PSME4: variants seen among roughly 807,000 people sequenced by gnomAD.
The protein encoded by PSME4 is proteasome activator subunit 4.
A neutral mutation model predicts 253.9 loss-of-function variants in PSME4; 89 were observed. That is an observed-to-expected ratio of 0.35 (90% CI 0.30 to 0.42). The LOEUF is 0.42. PSME4 is among the 10% of genes least tolerant of loss of function. The pLI is 1.00. For missense variants in PSME4, 2,014 were observed against 2,195.2 expected, an observed-to-expected ratio of 0.92 and a Z score of 1.65; for synonymous variants, 851 against 759.2, an observed-to-expected ratio of 1.12 and a Z score of -1.99.
intron 32 of PSME4, among the ~76,000 whole-genome samples, chr2:53,896,225 C>T (rs189612934): frequency 5.9e-5 from 9 of 152,234 alleles, no homozygotes; most frequent in Non-Finnish European, 8.8e-5. Context: ...TTCATTAATA[C>T]AGTAAAATTA....
Position 53,866,090 on chromosome 2 carries a change from TA to T in PSME4, c.5530del (p.Ter1844ArgfsTer30). On this transcript the variant is annotated frameshift_variant and stop_lost, in exon 46 of 47. Transcript: ENST00000404125. LOFTEE classifies it high-confidence loss of function. ...TCAGAACTTTGCTGACTTACCTTTCTATGCATAATAGCATGGTGACACAAGA... is the reference window on the plus strand; with the variant it reads ...TCAGAACTTTGCTGACTTACCTTTCTTGCATAATAGCATGGTGACACAAGA... ...DLLVSPCYYA[*>X] The T allele has an allele frequency of 6.2e-7, 1 of 1,609,380 alleles. No homozygotes were observed. The highest frequency in any genetic ancestry group is 8.5e-7 in the Non-Finnish European group (1 of 1,177,240).
At chr2:53,914,507 A>G (rs1667967908) in intron 20 of PSME4, among the ~76,000 whole-genome samples, 1 of 152,244 alleles carries the variant, frequency 6.6e-6, no homozygotes, top group Non-Finnish European at 1.5e-5. Flanking sequence ...ATAGTACGAA[A>G]TAAGAAAAAA....
Position 53,966,665 on chromosome 2 carries a change from G to C in PSME4, c.242+3878C>G, listed in dbSNP as rs1383202323. Among the ~76,000 whole-genome samples the C allele has an allele frequency of 2.0e-5, 3 of 152,192 alleles. No homozygotes were observed. The East Asian group carries it at 5.8e-4, about 29-fold the overall frequency. On this transcript the variant is annotated intron_variant, in intron 1 of 46. Coordinates refer to ENST00000404125, the MANE Select transcript of PSME4 (RefSeq NM_014614.3). ...GAGCACCCGCAGCCCCTCATGAAAG[G>C]TCCAGAAAGGCAAGAGGGCAAAATC... is the stretch of plus-strand genomic sequence containing the variant.
intron 20 of PSME4, among the ~76,000 whole-genome samples, chr2:53,912,302 C>T (rs193041331): frequency 7.9e-5 from 12 of 152,272 alleles, no homozygotes; most frequent in African/African-American, 2.6e-4. Flanking sequence ...AATCCCCTAA[C>T]TTCACCAAGG....
chr2:53,966,195 G>A (rs1670728830), intron 1 of PSME4, among the ~76,000 whole-genome samples: 1 of 152,018 alleles, frequency 6.6e-6, no homozygotes, highest in Admixed American at 6.6e-5. Context: ...GAGACATGAG[G>A]GTTGCTTGAA....
At position 53,895,678 on chromosome 2, in the gene PSME4, C is replaced by T. The variant is rs144782453; in HGVS notation, c.3747G>A (p.Leu1249=). 1.5e-5 allele frequency: 24 copies of T among 1,613,260 alleles called. No homozygotes were observed. The highest frequency in any genetic ancestry group is 1.9e-5 in the Non-Finnish European group (22 of 1,179,702). ...IAGDRPDNHW[L]HYDSKTIPRT... ...TTGGTATAGTTTTGCTGTCATAATG[C>T]AACCAATGATTATCAGGCCTATCAC... Residue 1249 remains leucine, a synonymous_variant, in exon 33 of 47, where the codon TTG becomes TTA. Coordinates refer to ENST00000404125, the MANE Select transcript of PSME4 (RefSeq NM_014614.3).
At chr2:53,956,045 G>A (rs1670223723) in intron 1 of PSME4, among the ~76,000 whole-genome samples, 1 of 151,956 alleles carries the variant, frequency 6.6e-6, no homozygotes, top group Non-Finnish European at 1.5e-5. Flanking sequence ...CAGGCAGATG[G>A]TTTAAGCCCA....
intron 26 of PSME4, among the ~76,000 whole-genome samples, chr2:53,905,124 G>A (rs1266406327): frequency 6.6e-6 from 1 of 151,038 alleles, no homozygotes; most frequent in African/African-American, 2.4e-5. Context: ...CCGCCTCCCA[G>A]GGTTCAAGCA....
At chr2:53,921,534 C>T (rs1310861588) in intron 17 of PSME4, among the ~76,000 whole-genome samples, 1 of 148,606 alleles carries the variant, frequency 6.7e-6, no homozygotes, top group Non-Finnish European at 1.5e-5. Context: ...TGTGAGCCAC[C>T]ACGCCTGGCC....
At chr2:53,888,883 T>C (rs1364734521) in intron 37 of PSME4, 71 bp from the exon 38 acceptor site, 3 of 1,223,684 alleles carry the variant, frequency 2.5e-6, no homozygotes, top group Non-Finnish European at 3.6e-6. Flanking sequence ...TACTCAGTTA[T>C]TTAATTTAAT....
At chr2:53,887,541 C>A in intron 39 of PSME4, 74 bp from the exon 40 acceptor site, 1 of 1,329,218 alleles carries the variant, frequency 7.5e-7, no homozygotes, top group Non-Finnish European at 1.0e-6. Flanking sequence ...AAGTTATGAC[C>A]CAATCAAAGT....
In PSME4 at chr2:53,954,185, G is replaced by A. The variant is rs577783938; in HGVS notation, c.243-4902C>T. Among the ~76,000 whole-genome samples, 43 of 152,252 alleles carry A rather than the reference G, an allele frequency of 2.8e-4. No homozygotes were observed. In the East Asian group the frequency reaches 6.0e-3, roughly 21 times the overall value. ...TCTACTAAAAATACAAAAATTAGCC[G>A]GGTGTGGCGGCACGCGCCTGCAAAC... On this transcript the variant is annotated intron_variant, in intron 1 of 46. Coordinates refer to ENST00000404125, the MANE Select transcript of PSME4 (RefSeq NM_014614.3).
At position 53,890,208 on chromosome 2, in the gene PSME4, C is replaced by T. The variant is rs1459238588; in HGVS notation, c.4192G>A (p.Val1398Met). The T allele has an allele frequency of 1.2e-6, 2 of 1,608,438 alleles. No individual in the cohort carries two copies. Among genetic ancestry groups the T allele is most frequent in the Admixed American group, 3.4e-5 (2 of 58,752 alleles). The change falls in exon 37 of 47, where the codon GTG (valine) becomes ATG (methionine). Residue 1398 changes from valine to methionine, a missense_variant and splice_region_variant. Physicochemically the swap from Val to Met is conservative, Grantham distance 21. Transcript: ENST00000404125. ...RGSKHWTFEK[V>M]EKLWELLCPL... ...CACAGAAGCTCCCAAAGCTTCTCCA[C>T]CTACTCAAAACAAAATATATGGGTA... is the stretch of plus-strand genomic sequence containing the variant.
In PSME4 at chr2:53,970,673, G is replaced by T; in HGVS notation, c.112C>A (p.Leu38Met). The T allele has an allele frequency of 2.6e-6, 4 of 1,550,188 alleles. No homozygotes were observed. Among genetic ancestry groups the T allele is most frequent in the South Asian group, 1.2e-5 (1 of 84,036 alleles). ...PQKEIVYNKL[L>M]PYAERLDAES... ...GCGTCTAGCCGCTCCGCGTAGGGCA[G>T]CAGCTTGTTGTAGACGATCTCCTTC... The change falls in exon 1 of 47, where the codon CTG (leucine) becomes ATG (methionine). Residue 38 changes from leucine (L) to methionine (M), a missense_variant. This residue lies in a region of PSME4 where 615 missense variants were observed against 594.4 expected (regional missense o/e 1.03). Transcript: ENST00000404125.
intron 1 of PSME4, among the ~76,000 whole-genome samples, chr2:53,965,677 T>TG (rs1351850630): frequency 6.6e-6 from 1 of 151,360 alleles, no homozygotes; most frequent in African/African-American, 2.4e-5. Flanking sequence ...TTTGTTTTTT[T>TG]TTTTTTGAGT....
Position 53,970,920 on chromosome 2 carries a change from G to A in PSME4, c.-136C>T. ...CCGTCGCCCTCGGACCGATCGCTAGGCCCCCTTCCCTGGCCGGCGTGCTGC... is the reference window on the plus strand; with the variant it reads ...CCGTCGCCCTCGGACCGATCGCTAGACCCCCTTCCCTGGCCGGCGTGCTGC... On this transcript the variant is annotated 5_prime_UTR_variant, in exon 1 of 47. Coordinates refer to ENST00000404125, the MANE Select transcript of PSME4 (RefSeq NM_014614.3). 1.4e-6 allele frequency: 1 copy of A among 696,110 alleles called. No homozygotes were observed. Among genetic ancestry groups the A allele is most frequent in the Non-Finnish European group, 2.2e-6 (1 of 462,516 alleles). The allele number at this position is 696,110 out of a possible 1,614,324, so 43.1% of individuals were successfully genotyped here.
chr2:53,904,438 T>C (rs1261566110), intron 26 of PSME4, among the ~76,000 whole-genome samples: 3 of 152,178 alleles, frequency 2.0e-5, no homozygotes, highest in East Asian at 1.9e-4. Context: ...CTCAGTAACA[T>C]AGCTAAAAGT....
In PSME4 at chr2:53,970,873, T is replaced by G; in HGVS notation, c.-89A>C. ...GGGCTCCGCCTCCTCCGCGTCTTCG[T>G]CGCCCTGCGGCCGCTGGCGGCCCGT... On this transcript the variant is annotated 5_prime_UTR_variant, in exon 1 of 47. Coordinates refer to ENST00000404125, the MANE Select transcript of PSME4 (RefSeq NM_014614.3). The G allele has an allele frequency of 8.4e-7, 1 of 1,191,152 alleles. No homozygotes were observed. Among genetic ancestry groups the G allele is most frequent in the Non-Finnish European group, 1.1e-6 (1 of 898,248 alleles). 73.8% of individuals were successfully genotyped at this position (1,191,152 alleles called of 1,614,324 possible).
chr2:53,955,750 C>T lies in PSME4; in HGVS notation c.243-6467G>A, dbSNP rs187289981. Among the ~76,000 whole-genome samples the T allele has an allele frequency of 1.9e-3, 282 of 151,866 alleles. 1 individual carries two copies. The highest frequency in any genetic ancestry group is 3.4e-3 in the Middle Eastern group (1 of 292). ...CAGCCTGGGCAACACTGCGAGACCT[C>T]GTGCCTACAAGATATACAAAAATTA... On this transcript the variant is annotated intron_variant, in intron 1 of 46. Coordinates refer to ENST00000404125, the MANE Select transcript of PSME4 (RefSeq NM_014614.3).
Sources: gnomAD v4.1 joint callset for allele counts (sites outside exome capture counted in the v4.1 genomes callset) on GRCh38, gnomAD v4.1.1 for gene constraint, gnomAD v4.1.1 regional missense constraint, MANE v1.5 for transcripts, NCBI Gene and HGNC (gene_info 2026-07-23, HGNC 2026-07-21) for gene names.